The following MTR variants were observed in gnomAD, a reference collection of about 807,000 sequenced individuals.
MTR encodes the protein 5-methyltetrahydrofolate-homocysteine methyltransferase.
In MTR, 84 loss-of-function variants were observed where a neutral mutation model predicts 154.8. The observed-to-expected ratio is 0.54, with a 90% confidence interval of 0.45 to 0.65. The LOEUF is 0.65. Among genes scored for constraint, MTR ranks in the 30% least tolerant of loss-of-function variants. The pLI, the probability that MTR is intolerant of heterozygous loss-of-function variation, is 0.00. For missense variants in MTR, 1,275 were observed against 1,570.2 expected, an observed-to-expected ratio of 0.81 and a Z score of 3.18; for synonymous variants, 554 against 553.9, an observed-to-expected ratio of 1.00 and a Z score of 0.00.
chr1:236,795,506 C>T lies in MTR; in HGVS notation c.-198C>T, dbSNP rs886046215. 11 of 1,523,054 alleles carry T rather than the reference C, an allele frequency of 7.2e-6. No individual in the cohort carries two copies. The highest frequency in any genetic ancestry group is 9.7e-6 in the Non-Finnish European group (11 of 1,138,418). 94.3% of individuals were successfully genotyped at this position (1,523,054 alleles called of 1,614,324 possible). A position where few individuals can be genotyped will look rare whatever the true frequency, so the allele number is the denominator to read the frequency against. On this transcript the variant is annotated 5_prime_UTR_variant, in exon 1 of 33. Transcript: ENST00000366577. Reference sequence around the variant, plus strand: ...CTCCAGCAGTTGCCGCGCCCAGCCCCGAGAGAGGCCCTAGGGCGCTGCGGG... The same window carrying T: ...CTCCAGCAGTTGCCGCGCCCAGCCCTGAGAGAGGCCCTAGGGCGCTGCGGG...
chr1:236,861,320 C>T, intron 20 of MTR, 43 bp downstream of exon 20: 1 of 1,613,042 alleles, frequency 6.2e-7, no homozygotes, highest in South Asian at 1.1e-5. Context: ...TGCATCTTTT[C>T]TTTGTCATTT....
At chr1:236,886,262 T>C (rs1558339185) in intron 26 of MTR, 30 bp from the exon 27 acceptor site, 2 of 1,589,352 alleles carry the variant, frequency 1.3e-6, no homozygotes, top group East Asian at 4.5e-5. Context: ...GCTAAGAGTG[T>C]CTAACTAATT....
chr1:236,887,881 C>A (rs1336187438), intron 27 of MTR, among the ~76,000 whole-genome samples: 1 of 152,244 alleles, frequency 6.6e-6, no homozygotes, highest in African/African-American at 2.4e-5. Context: ...TCTGCAGCAG[C>A]ATGTTCTCTC....
At chr1:236,889,861 CCT>C (rs1313327598) in intron 28 of MTR, among the ~76,000 whole-genome samples, 6 of 152,212 alleles carry the variant, frequency 3.9e-5, no homozygotes, top group Admixed American at 3.3e-4. Flanking sequence ...GGCACATGTG[CCT>C]ATTTGGGGAA....
intron 13 of MTR, 24 bp downstream of exon 13, chr1:236,832,102 G>A (rs1185193244): frequency 1.3e-6 from 2 of 1,555,800 alleles, no homozygotes; most frequent in Non-Finnish European, 1.8e-6. Context: ...TAAGACCCCT[G>A]AGGCATCTGC....
chr1:236,852,537 C>A lies in MTR; in HGVS notation c.1712C>A (p.Ala571Asp). 6.2e-7 allele frequency: 1 copy of A among 1,613,852 alleles called. No homozygotes were observed. The highest frequency in any genetic ancestry group is 8.5e-7 in the Non-Finnish European group (1 of 1,179,892). The change falls in exon 17 of 33, where the codon GCC becomes GAC. Residue 571 changes from alanine to aspartate, a missense_variant. Ala to Asp is a moderately radical substitution (Grantham distance 126). Coordinates refer to ENST00000366577, the MANE Select transcript of MTR (RefSeq NM_000254.3). ...TTTTGCCAGGAAACATTACCTGGAG[C>A]CAGAATAAGTGGAGGTCTTTCCAAC... ...TKVIKETLPG[A>D]RISGGLSNLS...
chr1:236,873,970 G>C, intron 23 of MTR, 130 bp downstream of exon 23: 4 of 889,684 alleles, frequency 4.5e-6, no homozygotes, highest in Non-Finnish European at 7.3e-6. Flanking sequence ...TCAAGTGCCA[G>C]CTCCTGCACC....
chr1:236,838,644 G>C (rs748298574), intron 15 of MTR, 45 bp downstream of exon 15: 14 of 1,608,910 alleles, frequency 8.7e-6, no homozygotes, highest in African/African-American at 1.3e-5. Context: ...TCCCAGGTTA[G>C]ATAGTGGTGG....
intron 11 of MTR, 63 bp from the exon 12 acceptor site, chr1:236,829,126 T>G: frequency 7.8e-7 from 1 of 1,278,600 alleles, no homozygotes; most frequent in Non-Finnish European, 1.1e-6. Context: ...AGTTTTGAAA[T>G]TAGTTTCATT....
intron 25 of MTR, among the ~76,000 whole-genome samples, chr1:236,881,537 A>C (rs1452944533): frequency 6.6e-6 from 1 of 151,994 alleles, no homozygotes; most frequent in Non-Finnish European, 1.5e-5. Context: ...GACGTCACTT[A>C]CCGTCCCATC....
At chr1:236,798,351 T>C (rs1017631530) in intron 1 of MTR, among the ~76,000 whole-genome samples, 2 of 152,238 alleles carry the variant, frequency 1.3e-5, no homozygotes, top group African/African-American at 4.8e-5. Context: ...TTTAGGCTAG[T>C]TCTTAAAGGT....
chr1:236,856,371 CAT>C (rs960197412), intron 18 of MTR, among the ~76,000 whole-genome samples: 6 of 152,038 alleles, frequency 3.9e-5, no homozygotes, highest in Admixed American at 1.3e-4. Context: ...GGTTTTTCAA[CAT>C]ATGAGAGTCC....
intron 18 of MTR, among the ~76,000 whole-genome samples, chr1:236,858,597 A>G (rs952570632): frequency 6.6e-6 from 1 of 152,214 alleles, no homozygotes; most frequent in African/African-American, 2.4e-5. Context: ...CCTTTTGGCT[A>G]CAGTGTGGAA....
chr1:236,823,309 T>G (rs1662083679), intron 8 of MTR, among the ~76,000 whole-genome samples: 1 of 152,232 alleles, frequency 6.6e-6, no homozygotes, highest in Non-Finnish European at 1.5e-5. Flanking sequence ...ATCCTTAATC[T>G]GAAATCTAAT....
intron 15 of MTR, among the ~76,000 whole-genome samples, chr1:236,846,925 C>T (rs977072352): frequency 5.9e-5 from 9 of 152,210 alleles, no homozygotes; most frequent in African/African-American, 2.2e-4. Flanking sequence ...CTCACTCTGT[C>T]GTGCAGGCTG....
chr1:236,819,593 C>T (rs1398348750), intron 8 of MTR: 8 of 433,402 alleles, frequency 1.8e-5, no homozygotes, highest in East Asian at 5.6e-5. Context: ...GTCCATCCGG[C>T]GTTGTTCTGG....
rs140376741 is a variant in MTR, at chr1:236,884,592, G to A, written c.2677-529G>A. Among the ~76,000 whole-genome samples the A allele has an allele frequency of 1.9e-4, 29 of 152,326 alleles. No homozygotes were observed. In the East Asian group the frequency reaches 4.4e-3, roughly 23 times the overall value. On this transcript the variant is annotated intron_variant, in intron 25 of 32. Coordinates refer to ENST00000366577, the MANE Select transcript of MTR (RefSeq NM_000254.3). ...TCCCCCATAGAGTAATCTGGATGGT[G>A]CTTATTTCTTCCGCTGATGATATGT...
intron 15 of MTR, among the ~76,000 whole-genome samples, chr1:236,841,084 C>T (rs553597273): frequency 1.3e-5 from 2 of 152,302 alleles, no homozygotes; most frequent in South Asian, 4.2e-4. Context: ...TCCTGAGGCA[C>T]CCACGTTCAG....
chr1:236,863,310 T>C (rs1664652810), intron 21 of MTR, 144 bp from the exon 22 acceptor site: 4 of 740,572 alleles, frequency 5.4e-6, no homozygotes, highest in Admixed American at 2.0e-5. Flanking sequence ...TTGAACTGTT[T>C]GGGCTTCGGT....
Sources: gnomAD v4.1 joint callset for allele counts (sites outside exome capture counted in the v4.1 genomes callset) on GRCh38, gnomAD v4.1.1 for gene constraint, MANE v1.5 for transcripts, NCBI Gene and HGNC (gene_info 2026-07-23, HGNC 2026-07-21) for gene names.